The following TCP11L2 variants were observed in gnomAD, a reference collection of about 807,000 sequenced individuals.
TCP11L2 encodes the protein T-complex protein 11-like protein 2.
TCP11L2 carries 39 observed loss-of-function variants against 50.7 expected under a neutral mutation model. That is an observed-to-expected ratio of 0.77 (90% confidence interval 0.60 to 1.01). The LOEUF is 1.01. Among genes scored for constraint, TCP11L2 ranks in the 50% least tolerant of loss-of-function variants. The pLI, the probability that TCP11L2 is intolerant of heterozygous loss-of-function variation, is 0.00. For missense variants in TCP11L2, 612 were observed against 614.7 expected (o/e 1.00, Z 0.05); for synonymous variants, 192 against 219.3 (o/e 0.88, Z 1.10).
intron 9 of TCP11L2, among the ~76,000 whole-genome samples, chr12:106,344,501 G>A (rs145831736): frequency 1.1e-4 from 17 of 152,308 alleles, no homozygotes; most frequent in African/African-American, 4.1e-4. Flanking sequence ...ATTGAAGGAT[G>A]CCTCTGATTC....
chr12:106,313,594 T>A (rs1355685956), intron 2 of TCP11L2, among the ~76,000 whole-genome samples: 5 of 149,334 alleles, frequency 3.3e-5, no homozygotes, highest in African/African-American at 9.9e-5. Flanking sequence ...AATAAATAAA[T>A]AAATAAATAA....
At chr12:106,303,750 TAG>T (rs1453430334) in intron 1 of TCP11L2, 2 of 152,228 alleles carry the variant, frequency 1.3e-5, no homozygotes, top group African/African-American at 4.8e-5. Context: ...TTCACAATGA[TAG>T]AGTTTCCTTT....
intron 1 of TCP11L2, among the ~76,000 whole-genome samples, chr12:106,305,164 G>C (rs759261011): frequency 4.6e-5 from 7 of 152,098 alleles, no homozygotes; most frequent in Non-Finnish European, 1.0e-4. Flanking sequence ...GGCAAGTAAC[G>C]CAACCTCTCT....
chr12:106,336,543 C>A (rs958649271), intron 8 of TCP11L2, among the ~76,000 whole-genome samples: 1 of 142,350 alleles, frequency 7.0e-6, no homozygotes, highest in African/African-American at 2.5e-5. Context: ...TTTAGAATTG[C>A]GCAATTTTTT....
At chr12:106,327,192 T>C (rs560442548) in intron 6 of TCP11L2, among the ~76,000 whole-genome samples, 18 of 152,128 alleles carry the variant, frequency 1.2e-4, no homozygotes, top group Non-Finnish European at 2.2e-4. Context: ...TTCTTTTTTT[T>C]CCCCCCTGTT....
At chr12:106,335,292 C>T (rs76645440) in intron 6 of TCP11L2, among the ~76,000 whole-genome samples, 2 of 152,290 alleles carry the variant, frequency 1.3e-5, no homozygotes, top group South Asian at 4.1e-4. Flanking sequence ...TGCTACAACC[C>T]TCTTACCCCT....
intron 3 of TCP11L2, among the ~76,000 whole-genome samples, chr12:106,316,927 A>T (rs1305954916): frequency 6.6e-6 from 1 of 152,234 alleles, no homozygotes; most frequent in East Asian, 1.9e-4. Flanking sequence ...TCTGTACTTT[A>T]AATTCAAAAG....
intron 8 of TCP11L2, among the ~76,000 whole-genome samples, chr12:106,336,793 C>T (rs1435501962): frequency 5.9e-5 from 9 of 152,110 alleles, no homozygotes; most frequent in Non-Finnish European, 8.8e-5. Context: ...CCTCATGACT[C>T]ACCCATCTCG....
At chr12:106,329,954 T>C in intron 6 of TCP11L2, 6 of 985,714 alleles carry the variant, frequency 6.1e-6, no homozygotes, top group Non-Finnish European at 7.2e-6. Flanking sequence ...GAACTACTCA[T>C]AAATTATCCC....
At chr12:106,335,953 G>A (rs2035903986) in intron 7 of TCP11L2, 79 bp from the exon 8 acceptor site, 1 of 1,495,042 alleles carries the variant, frequency 6.7e-7, no homozygotes, top group South Asian at 1.3e-5. Flanking sequence ...ATGGGAATTT[G>A]GAAATGACAT....
chr12:106,311,903 C>T (rs969566263), intron 2 of TCP11L2, among the ~76,000 whole-genome samples: 1 of 151,884 alleles, frequency 6.6e-6, no homozygotes, highest in Non-Finnish European at 1.5e-5. Flanking sequence ...CAGGAAAAAG[C>T]AACTAATGTT....
rs1418275029 is a variant in TCP11L2 at position 106,318,297 on chromosome 12, G to A, written c.294-47G>A. 4 of 1,591,484 alleles carry A rather than the reference G, an allele frequency of 2.5e-6. No individual in the cohort carries two copies. The Admixed American group carries it at 6.9e-5, about 27-fold the overall frequency. ...ATGAGGATGTTTCTTTTATAATCAG[G>A]AAAAAGTTATGCTTATTTTAAAAAA... On this transcript the variant is annotated intron_variant, in intron 3 of 9. Coordinates refer to ENST00000299045, the MANE Select transcript of TCP11L2 (RefSeq NM_152772.3).
At chr12:106,343,042 TGTTGCCC>T (rs2036134423) in intron 9 of TCP11L2, among the ~76,000 whole-genome samples, 1 of 152,250 alleles carries the variant, frequency 6.6e-6, no homozygotes, top group Non-Finnish European at 1.5e-5. Flanking sequence ...TTCAAAGTAC[TGTTGCCC>T]TAGCAACTTA....
In TCP11L2 at chr12:106,311,238, C is replaced by T; in HGVS notation, c.157+6C>T. The stretch of plus-strand genomic sequence containing the variant: ...CAAATCCAGCTCTCCTGCTTGTGAG[C>T]CGATGGGGGAGCAGGGGTTGTGGGT... On this transcript the variant is annotated splice_donor_region_variant and intron_variant, in intron 2 of 9. Coordinates refer to ENST00000299045, the MANE Select transcript of TCP11L2 (RefSeq NM_152772.3). The T allele has an allele frequency of 6.2e-7, 1 of 1,612,988 alleles. No homozygotes were observed. The highest frequency in any genetic ancestry group is 8.5e-7 in the Non-Finnish European group (1 of 1,179,360).
intron 9 of TCP11L2, among the ~76,000 whole-genome samples, chr12:106,343,575 TAGAA>T (rs2036150243): frequency 2.0e-5 from 3 of 152,134 alleles, no homozygotes; most frequent in African/African-American, 7.2e-5. Context: ...GAAAAGATAT[TAGAA>T]AGGGATTTTT....
chr12:106,329,419 T>C, intron 6 of TCP11L2: 3 of 1,535,542 alleles, frequency 2.0e-6, no homozygotes, highest in Non-Finnish European at 2.6e-6. Context: ...GAGAGTGAAG[T>C]CTCTGCCGAT....
Position 106,311,041 on chromosome 12 carries a change from G to A in TCP11L2, c.-35G>A. ...ACGCAGGGTCTGTTTGTCTGTGCAGGTGCTACCTTTTTACCCACACTTAAG... is the reference window on the plus strand; with the variant it reads ...ACGCAGGGTCTGTTTGTCTGTGCAGATGCTACCTTTTTACCCACACTTAAG... On this transcript the variant is annotated splice_region_variant and 5_prime_UTR_variant, in exon 2 of 10. It adds an upstream start codon to the 5' untranslated region. Transcript: ENST00000299045. The A allele has an allele frequency of 6.2e-7, 1 of 1,609,950 alleles. No homozygotes were observed. The highest frequency in any genetic ancestry group is 1.1e-5 in the South Asian group (1 of 90,438).
At chr12:106,324,290 C>CTAGAA (rs1037160295) in intron 6 of TCP11L2, 2 of 152,076 alleles carry the variant, frequency 1.3e-5, no homozygotes, top group Non-Finnish European at 2.9e-5. Flanking sequence ...GGGAAAAGAA[C>CTAGAA]GTTCTAGCCT....
intron 6 of TCP11L2, among the ~76,000 whole-genome samples, chr12:106,327,626 C>A (rs956849298): frequency 3.3e-5 from 5 of 152,100 alleles, no homozygotes; most frequent in Non-Finnish European, 4.4e-5. Context: ...ATCAAGAGTC[C>A]CAGAAGCAGA....
Sources: gnomAD v4.1 joint callset for allele counts (sites outside exome capture counted in the v4.1 genomes callset) on GRCh38, gnomAD v4.1.1 for gene constraint, MANE v1.5 for transcripts, NCBI Gene and HGNC (gene_info 2026-07-23, HGNC 2026-07-21) for gene names.